GPC6: variants seen among roughly 807,000 people sequenced by gnomAD.
GPC6 encodes glypican-6.
Under a neutral mutation model 55.2 loss-of-function variants are expected in GPC6, and 14 were observed. The ratio of observed to expected loss-of-function variants is 0.25; its 90% CI spans 0.17 to 0.40. GPC6 has a LOEUF of 0.40. Ranked by LOEUF, GPC6 falls within the 10% of genes least tolerant of loss-of-function variation. The pLI, the probability that GPC6 is intolerant of heterozygous loss-of-function variation, is 1.00. For missense variants in GPC6, 641 were observed against 708.5 expected (o/e 0.90, Z 1.08); for synonymous variants, 278 against 259.6 (o/e 1.07, Z -0.68).
intron 2 of GPC6, among the ~76,000 whole-genome samples, chr13:93,814,543 A>C (rs1054335895): frequency 1.3e-5 from 2 of 152,054 alleles, no homozygotes; most frequent in Non-Finnish European, 2.9e-5. Flanking sequence ...GTTATTCCCA[A>C]CTTTTCCTGT....
chr13:93,398,673 C>T (rs7317246), intron 1 of GPC6, among the ~76,000 whole-genome samples: 34,957 of 151,936 alleles, frequency 0.23, 3,980 homozygotes, highest in African/African-American at 0.24. Flanking sequence ...ATAATTTAAA[C>T]CAGGTCCTAT....
intron 3 of GPC6, among the ~76,000 whole-genome samples, chr13:93,895,961 A>G (rs1291378823): frequency 1.3e-5 from 2 of 152,094 alleles, no homozygotes; most frequent in Non-Finnish European, 2.9e-5. Flanking sequence ...GAATGAACAC[A>G]ATCTAGTGTT....
At chr13:94,128,616 G>A (rs775650857) in intron 4 of GPC6, among the ~76,000 whole-genome samples, 8 of 152,108 alleles carry the variant, frequency 5.3e-5, no homozygotes, top group Admixed American at 3.9e-4. Flanking sequence ...AAATGCTCTG[G>A]CTTGGAAGTG....
At chr13:93,925,611 C>A (rs1877815874) in intron 3 of GPC6, among the ~76,000 whole-genome samples, 1 of 152,122 alleles carries the variant, frequency 6.6e-6, no homozygotes, top group South Asian at 2.1e-4. Flanking sequence ...ATCTAGTAAT[C>A]TATTGCTGTG....
chr13:93,479,605 G>A (rs1376265302), intron 1 of GPC6, among the ~76,000 whole-genome samples: 1 of 53,892 alleles, frequency 1.9e-5, no homozygotes, highest in African/African-American at 6.4e-5. Context: ...CCAACGTGGT[G>A]AGACCCCCCC....
intron 3 of GPC6, among the ~76,000 whole-genome samples, chr13:93,973,721 C>T (rs548374418): frequency 1.3e-5 from 2 of 152,206 alleles, no homozygotes; most frequent in South Asian, 4.1e-4. Context: ...TTATTTTATA[C>T]CAAAGTTTCT....
intron 2 of GPC6, among the ~76,000 whole-genome samples, chr13:93,555,295 T>C (rs1363617010): frequency 6.6e-6 from 1 of 152,204 alleles, no homozygotes; most frequent in Non-Finnish European, 1.5e-5. Context: ...CCATTGCATA[T>C]TCCCTGTTGA....
chr13:93,367,261 A>G (rs1243937348), intron 1 of GPC6, among the ~76,000 whole-genome samples: 2 of 150,104 alleles, frequency 1.3e-5, no homozygotes, highest in African/African-American at 2.4e-5. Flanking sequence ...AATTATTCTG[A>G]TGCTAGTGAT....
chr13:94,316,787 C>T (rs1876562883), intron 6 of GPC6, among the ~76,000 whole-genome samples: 2 of 151,654 alleles, frequency 1.3e-5, no homozygotes, highest in Middle Eastern at 3.4e-3. Flanking sequence ...CAGATCCAGA[C>T]AATATGTATT....
chr13:93,498,424 T>C (rs1167970497), intron 1 of GPC6, among the ~76,000 whole-genome samples: 1 of 152,190 alleles, frequency 6.6e-6, no homozygotes, highest in African/African-American at 2.4e-5. Context: ...AAACATCTTA[T>C]TGTCTGACCT....
chr13:94,212,196 AT>A (rs1047425538), intron 4 of GPC6, among the ~76,000 whole-genome samples: 8 of 152,036 alleles, frequency 5.3e-5, no homozygotes, highest in South Asian at 2.1e-4. Flanking sequence ...AAACAAACTT[AT>A]TTTTTTTCAA....
At chr13:93,370,458 G>A (rs969879346) in intron 1 of GPC6, among the ~76,000 whole-genome samples, 4 of 152,056 alleles carry the variant, frequency 2.6e-5, no homozygotes, top group African/African-American at 9.7e-5. Context: ...TTACGCAAGG[G>A]AAAAATAATG....
intron 4 of GPC6, among the ~76,000 whole-genome samples, chr13:94,107,878 A>T (rs951358880): frequency 2.6e-5 from 4 of 152,126 alleles, no homozygotes; most frequent in Admixed American, 2.0e-4. Flanking sequence ...AATAAAAAAA[A>T]TTTTAAAAAA....
At chr13:93,827,580 A>G (rs950534898) in intron 2 of GPC6, among the ~76,000 whole-genome samples, 14 of 152,240 alleles carry the variant, frequency 9.2e-5, no homozygotes, top group Non-Finnish European at 1.8e-4. Context: ...CTATGAGATC[A>G]GTAAACCATG....
intron 6 of GPC6, among the ~76,000 whole-genome samples, chr13:94,314,754 A>G (rs1876433410): frequency 6.6e-6 from 1 of 152,346 alleles, no homozygotes; most frequent in East Asian, 1.9e-4. Context: ...CTTATGAGAG[A>G]TAGAGCTGAA....
chr13:93,352,927 G>A (rs1880683065), intron 1 of GPC6, among the ~76,000 whole-genome samples: 1 of 152,154 alleles, frequency 6.6e-6, no homozygotes, highest in South Asian at 2.1e-4. Context: ...CTAGCTCCTT[G>A]TGTGGTCATG....
intron 6 of GPC6, among the ~76,000 whole-genome samples, chr13:94,380,285 CAT>C (rs1491366524): frequency 2.6e-5 from 4 of 152,112 alleles, no homozygotes; most frequent in African/African-American, 7.2e-5. Context: ...AAATATAAAA[CAT>C]GTATTTCTTT....
intron 1 of GPC6, among the ~76,000 whole-genome samples, chr13:93,486,546 T>C (rs1458638689): frequency 6.6e-6 from 1 of 152,200 alleles, no homozygotes; most frequent in Non-Finnish European, 1.5e-5. Context: ...GATGTGCTAA[T>C]AAACATTGTT....
Position 93,426,508 on chromosome 13 carries a change from A to G in GPC6, c.161-118755A>G, listed in dbSNP as rs187958053. Among the ~76,000 whole-genome samples the G allele has an allele frequency of 1.6e-3, 238 of 149,464 alleles. 2 individuals carry two copies. The highest frequency in any genetic ancestry group is 5.3e-3 in the African/African-American group (214 of 40,750). ...AGTGTTTGGTTTTTTTGTTCTTGCG[A>G]TAGTTTACTGAGAAGGATGATTTCC... On this transcript the variant is annotated intron_variant, in intron 1 of 8. Transcript: ENST00000377047.
Sources: allele counts gnomAD v4.1 joint callset (sites outside exome capture counted in the v4.1 genomes callset), GRCh38; gene constraint gnomAD v4.1.1; transcripts MANE v1.5; gene names NCBI Gene and HGNC (gene_info 2026-07-23, HGNC 2026-07-21).